The following ACSM3 variants were observed in gnomAD, a reference collection of about 807,000 sequenced individuals.
The protein encoded by ACSM3 is acyl-CoA synthetase medium chain family member 3.
Under a neutral mutation model 74.1 loss-of-function variants are expected in ACSM3, and 61 were observed. The ratio of observed to expected loss-of-function variants is 0.82; its 90% CI spans 0.67 to 1.02. The LOEUF (loss-of-function observed/expected upper bound fraction) is 1.02, where lower values mean the gene tolerates loss of function less well. Ranked by LOEUF, ACSM3 falls within the 50% of genes least tolerant of loss-of-function variation. The pLI, the probability that ACSM3 is intolerant of heterozygous loss-of-function variation, is 0.00. For missense variants in ACSM3, 660 were observed against 697.0 expected (o/e 0.95, Z 0.60); for synonymous variants, 213 against 241.5 (o/e 0.88, Z 1.09).
At chr16:20,738,950 T>C (rs751782880) in intron 1 of ACSM3, 2 of 1,614,242 alleles carry the variant, frequency 1.2e-6, no homozygotes, top group African/African-American at 1.3e-5. Context: ...TTCCACTGAC[T>C]GGAATCTTCT....
chr16:20,755,940 G>A (rs1287194647), intron 3 of ACSM3, among the ~76,000 whole-genome samples: 12 of 151,480 alleles, frequency 7.9e-5, no homozygotes, highest in Admixed American at 5.3e-4. Context: ...AATTTCATCC[G>A]TGTCCCTACA....
At chr16:20,689,467 A>C (rs2079614203) in intron 1 of ACSM3, among the ~76,000 whole-genome samples, 1 of 152,146 alleles carries the variant, frequency 6.6e-6, no homozygotes, top group Non-Finnish European at 1.5e-5. Context: ...GTCAGTAGTT[A>C]CTTTAAATGT....
At position 20,744,140 on chromosome 16, in the gene ACSM3, T is replaced by TA. The variant is rs538069741; in HGVS notation, c.-189-5762dup. On this transcript the variant is annotated intron_variant, in intron 1 of 3. Coordinates refer to the ACSM3 transcript ENST00000561584. Reference sequence around the variant, plus strand: ...AAACACTCTGAGGTTTTTCTGCAATTAAAAAAAATTCATCTGCTATTGTTA... The same window carrying TA: ...AAACACTCTGAGGTTTTTCTGCAATTAAAAAAAAATTCATCTGCTATTGTTA... Among the ~76,000 whole-genome samples, 232 of 152,168 alleles carry TA rather than the reference T, an allele frequency of 1.5e-3. 1 individual carries two copies. The highest frequency in any genetic ancestry group is 5.3e-3 in the African/African-American group (222 of 41,504).
upstream of ACSM3, among the ~76,000 whole-genome samples, chr16:20,762,719 C>T (rs1239673922): frequency 6.6e-6 from 1 of 152,126 alleles, no homozygotes; most frequent in Non-Finnish European, 1.5e-5. Context: ...AATTCAACAC[C>T]TATTCATGAT....
At chr16:20,691,488 C>T (rs2079651561) in intron 1 of ACSM3, among the ~76,000 whole-genome samples, 1 of 152,092 alleles carries the variant, frequency 6.6e-6, no homozygotes. Context: ...TCTCCTTCAA[C>T]CTGCTAAGAT....
At chr16:20,778,346 T>G (rs542812220) in intron 4 of ACSM3, among the ~76,000 whole-genome samples, 59 of 152,322 alleles carry the variant, frequency 3.9e-4, no homozygotes, top group Middle Eastern at 3.4e-3. Context: ...CTACCTTTAC[T>G]CAAGGATTTG....
chr16:20,766,375 T>C (rs1185043588), intron 1 of ACSM3, among the ~76,000 whole-genome samples: 3 of 146,918 alleles, frequency 2.0e-5, no homozygotes, highest in Non-Finnish European at 4.5e-5. Flanking sequence ...AGAACAGGGC[T>C]GAGTGTGGTG....
At chr16:20,707,440 C>T (rs766967224) in intron 1 of ACSM3, among the ~76,000 whole-genome samples, 1 of 152,210 alleles carries the variant, frequency 6.6e-6, no homozygotes, top group Non-Finnish European at 1.5e-5. Flanking sequence ...TCCTGGGGAC[C>T]TGGAGGAGTC....
chr16:20,710,928 T>C (rs751788372), intron 1 of ACSM3, among the ~76,000 whole-genome samples: 1 of 151,866 alleles, frequency 6.6e-6, no homozygotes, highest in African/African-American at 2.4e-5. Context: ...CTACTAAGAA[T>C]ACAAAAAATT....
chr16:20,719,642 T>G (rs1373077373), intron 1 of ACSM3, among the ~76,000 whole-genome samples: 3 of 152,226 alleles, frequency 2.0e-5, no homozygotes, highest in Admixed American at 6.5e-5. Context: ...CTAGTGTCAC[T>G]GAAACTGTAG....
intron 3 of ACSM3, chr16:20,755,688 G>A (rs1448793963): frequency 6.7e-6 from 1 of 149,778 alleles, no homozygotes; most frequent in East Asian, 1.9e-4. Context: ...ACAATGTGCA[G>A]GTTAGTTACA....
chr16:20,758,414 A>G (rs2080048843), intron 3 of ACSM3, among the ~76,000 whole-genome samples: 5 of 152,010 alleles, frequency 3.3e-5, no homozygotes, highest in Admixed American at 3.3e-4. Flanking sequence ...TTTCTAGTTT[A>G]TTTGCGTAGA....
upstream of ACSM3, among the ~76,000 whole-genome samples, chr16:20,759,411 T>A (rs1053444925): frequency 5.3e-5 from 8 of 151,870 alleles, no homozygotes; most frequent in African/African-American, 1.9e-4. Context: ...TACAAAAAAA[T>A]TAGCCAAGTG....
intron 1 of ACSM3, among the ~76,000 whole-genome samples, chr16:20,719,925 A>C (rs2079779619): frequency 6.6e-6 from 1 of 152,226 alleles, no homozygotes; most frequent in African/African-American, 2.4e-5. Context: ...AGATAATTCT[A>C]ATTTCTTTAG....
chr16:20,752,077 C>A (rs566328434), intron 2 of ACSM3, among the ~76,000 whole-genome samples: 77 of 152,228 alleles, frequency 5.1e-4, no homozygotes, highest in Admixed American at 1.6e-3. Flanking sequence ...AGAAAACATT[C>A]AACAAGTGAG....
intron 1 of ACSM3, among the ~76,000 whole-genome samples, chr16:20,678,903 T>C (rs2079374776): frequency 6.6e-6 from 1 of 151,770 alleles, no homozygotes; most frequent in African/African-American, 2.4e-5. Flanking sequence ...CCCTCTGAGA[T>C]TTTGTTCAGC....
At chr16:20,693,277 C>T (rs2079672690) in intron 1 of ACSM3, among the ~76,000 whole-genome samples, 1 of 152,036 alleles carries the variant, frequency 6.6e-6, no homozygotes, top group Non-Finnish European at 1.5e-5. Context: ...GCATTCAGGA[C>T]AGCTGATACC....
chr16:20,769,225 A>T (rs2080162172), intron 1 of ACSM3, among the ~76,000 whole-genome samples: 1 of 152,238 alleles, frequency 6.6e-6, no homozygotes, highest in Non-Finnish European at 1.5e-5. Context: ...AAACACTCAT[A>T]ATCCCTAGAA....
intron 6 of ACSM3, 144 bp downstream of exon 6, chr16:20,781,274 A>G (rs535173707): frequency 1.9e-6 from 2 of 1,041,280 alleles, no homozygotes; most frequent in East Asian, 2.5e-5. Context: ...ATAAGCCTGA[A>G]AAGATACACT....
Sources: gnomAD v4.1 joint callset for allele counts (sites outside exome capture counted in the v4.1 genomes callset) on GRCh38, gnomAD v4.1.1 for gene constraint, MANE v1.5 for transcripts, NCBI Gene and HGNC (gene_info 2026-07-23, HGNC 2026-07-21) for gene names.